The following MTA2 variants were observed in gnomAD, a reference collection of about 807,000 sequenced individuals.
MTA2 encodes metastasis associated 1 family member 2.
MTA2 carries 22 observed loss-of-function variants against 87.1 expected under a neutral mutation model. The ratio of observed to expected loss-of-function variants is 0.25; its 90% confidence interval spans 0.18 to 0.36. The LOEUF is 0.36. Among genes scored for constraint, MTA2 ranks in the 10% least tolerant of loss-of-function variants. The pLI is 1.00. For synonymous variants in MTA2, 314 were observed against 310.1 expected (o/e 1.01, Z -0.13); for missense variants, 542 against 853.2 (o/e 0.64, Z 4.54).
chr11:62,595,343 C>G lies in MTA2; in HGVS notation c.1404G>C (p.Met468Ile). Residue 468 changes from methionine to isoleucine, a missense_variant, in exon 14 of 18, where the codon ATG (methionine) becomes ATC (isoleucine). This residue lies in a region of MTA2 where 269 missense variants were observed against 346.4 expected (regional missense o/e 0.78). Transcript: ENST00000278823. The surrounding 1 kb of genome is among the most constrained non-coding windows in gnomAD (Gnocchi z 4.9). ...TCCTTGGCTGTAATAGGTCCCTGCA[C>G]ATGCGTCTGGCAAGACGGGTCAGCT... is the stretch of plus-strand genomic sequence containing the variant. ...TTKLTRLARR[M>I]CRDLLQPRRA... The G allele has an allele frequency of 6.2e-7, 1 of 1,614,216 alleles. No individual in the cohort carries two copies.
In MTA2 at chr11:62,598,315, T is replaced by C. The variant is rs1942127038; in HGVS notation, c.372+12A>G. 8 of 1,613,502 alleles carry C rather than the reference T, an allele frequency of 5.0e-6. No individual in the cohort carries two copies. The highest frequency in any genetic ancestry group is 6.8e-6 in the Non-Finnish European group (8 of 1,179,632). ...CATTCCCCTCGCTCTTCTCTCAACA[T>C]CTCTTTCTCACCTCCTTTTCCAGGT... On this transcript the variant is annotated intron_variant, in intron 5 of 17. Coordinates refer to ENST00000278823, the MANE Select transcript of MTA2 (RefSeq NM_004739.4).
chr11:62,597,323 A>G lies in MTA2; in HGVS notation c.686T>C (p.Ile229Thr), dbSNP rs757220496. 3.7e-6 allele frequency: 6 copies of G among 1,600,992 alleles called. No individual in the cohort carries two copies. The highest frequency in any genetic ancestry group is 1.8e-5 in the Admixed American group (1 of 55,856). ...HMSAAAASRDITLFHAMDTLQ... is the reference protein window; with the variant it reads ...HMSAAAASRDTTLFHAMDTLQ... Reference sequence around the variant, plus strand: ...CCACCAACTTCTGCTCACCAGAGTGATATCTCGGGAGGCAGCAGCTGCACT... The same window carrying G: ...CCACCAACTTCTGCTCACCAGAGTGGTATCTCGGGAGGCAGCAGCTGCACT... The change falls in exon 8 of 18, where the codon ATC becomes ACC. Residue 229 changes from isoleucine to threonine, a missense_variant. Physicochemically the swap from Ile to Thr is moderately conservative, Grantham distance 89. Transcript: ENST00000278823.
chr11:62,596,263 T>C lies in MTA2; in HGVS notation c.1016+16A>G. ...GGAAGGAAAACACTCTGGTCTCCCC[T>C]ACCCACCACACTTACTAGGTGGGAA... On this transcript the variant is annotated intron_variant, in intron 11 of 17. Transcript: ENST00000278823. 1 of 1,613,668 alleles carries C rather than the reference T, an allele frequency of 6.2e-7. No individual in the cohort carries two copies. The highest frequency in any genetic ancestry group is 8.5e-7 in the Non-Finnish European group (1 of 1,179,794).
At chr11:62,594,676 C>CA in intron 15 of MTA2, 42 bp from the exon 16 acceptor site, 1 of 1,564,118 alleles carries the variant, frequency 6.4e-7, no homozygotes, top group Non-Finnish European at 8.8e-7. Context: ...TCTTCCCACG[C>CA]AGTTCCCCTT....
In MTA2 at chr11:62,597,182, C is replaced by T. The variant is rs1942110558; in HGVS notation, c.693+134G>A. The T allele has an allele frequency of 7.5e-6, 5 of 666,978 alleles. No individual in the cohort carries two copies. The South Asian group carries it at 1.0e-4, about 14-fold the overall frequency. 41.3% of individuals were successfully genotyped at this position (666,978 alleles called of 1,614,324 possible). On this transcript the variant is annotated intron_variant, in intron 8 of 17. Transcript: ENST00000278823. ...CCAGCCTGGGCGACAGAGCAAGACTCCTCTCAAAACAAAACAAAACAAACA... is the reference window on the plus strand; with the variant it reads ...CCAGCCTGGGCGACAGAGCAAGACTTCTCTCAAAACAAAACAAAACAAACA...
chr11:62,601,309 T>C, intron 1 of MTA2, 114 bp downstream of exon 1: 1 of 1,341,534 alleles, frequency 7.5e-7, no homozygotes, highest in Non-Finnish European at 1.0e-6. Context: ...CGGTCCGCGC[T>C]CCGGTCCACG....
chr11:62,598,577 G>A lies in MTA2; in HGVS notation c.253C>T (p.His85Tyr). The change falls in exon 4 of 18, where the codon CAC becomes TAC. Residue 85 changes from histidine (H) to tyrosine (Y), a missense_variant. By Grantham distance (83) the His-to-Tyr change is moderately conservative (BLOSUM62 2). Transcript: ENST00000278823. ...TGCCGAGAAAGAAAAAGTTCCCGGT[G>A]CTTCAGTTGATGGCGCTGCTGCTCA... ...VSEQQRHQLK[H>Y]RELFLSRQFE... 1 of 1,614,122 alleles carries A rather than the reference G, an allele frequency of 6.2e-7. No individual in the cohort carries two copies. Among genetic ancestry groups the A allele is most frequent in the Non-Finnish European group, 8.5e-7 (1 of 1,180,042 alleles).
At chr11:62,601,247 T>C (rs1446048480) in intron 1 of MTA2, 176 bp downstream of exon 1, 2 of 789,334 alleles carry the variant, frequency 2.5e-6, no homozygotes, top group Non-Finnish European at 4.0e-6. Context: ...CTCGGAGCCC[T>C]GCCGCGTCGC....
intron 6 of MTA2, 85 bp downstream of exon 6, chr11:62,597,939 G>A: frequency 8.0e-7 from 1 of 1,253,828 alleles, no homozygotes; most frequent in Non-Finnish European, 1.2e-6. Context: ...AACCCCAGGT[G>A]ACGCCATTCA....
chr11:62,596,529 G>A lies in MTA2; in HGVS notation c.886C>T (p.Pro296Ser), dbSNP rs2134324174. Residue 296 changes from proline (P) to serine (S), a missense_variant, in exon 10 of 18, where the codon CCC becomes TCC. Pro to Ser is a moderately conservative substitution (Grantham distance 74, BLOSUM62 -1). Transcript: ENST00000278823. ...DFNDIRQDFL[P>S]WKSLASIVQF... ...ACTATGCTGGCAAGTGACTTCCAGG[G>A]TAGCTAAGGGGGGCAGAGGGAGGAA... The A allele has an allele frequency of 6.2e-7, 1 of 1,614,148 alleles. No homozygotes were observed. Among genetic ancestry groups the A allele is most frequent in the East Asian group, 2.2e-5 (1 of 44,890 alleles).
At position 62,600,565 on chromosome 11, in the gene MTA2, A is replaced by G. The variant is rs1409849243; in HGVS notation, c.96+57T>C. On this transcript the variant is annotated intron_variant, in intron 2 of 17. Coordinates refer to ENST00000278823, the MANE Select transcript of MTA2 (RefSeq NM_004739.4). ...AGGATCCTCTCTTCCACCAGAAGTT[A>G]GAAACCTCAGAAGAGACCACTGCGG... 19 of 1,493,430 alleles carry G rather than the reference A, an allele frequency of 1.3e-5. No homozygotes were observed. The East Asian group carries it at 1.8e-4, about 14-fold the overall frequency. 92.5% of individuals were successfully genotyped at this position (1,493,430 alleles called of 1,614,324 possible).
chr11:62,595,933 T>C lies in MTA2; in HGVS notation c.1115-42A>G. The C allele has an allele frequency of 6.2e-7, 1 of 1,614,054 alleles. No individual in the cohort carries two copies. The highest frequency in any genetic ancestry group is 8.5e-7 in the Non-Finnish European group (1 of 1,179,956). On this transcript the variant is annotated intron_variant, in intron 12 of 17. Coordinates refer to ENST00000278823, the MANE Select transcript of MTA2 (RefSeq NM_004739.4). This position sits in a 1 kb window ranked among gnomAD's most constrained non-coding sequence, Gnocchi z 4.9. ...GGAGGGGGACAGGGAAGAAGCATACTACCTAAGCCCCTCAGATTCTTGAGC... is the reference window on the plus strand; with the variant it reads ...GGAGGGGGACAGGGAAGAAGCATACCACCTAAGCCCCTCAGATTCTTGAGC...
In MTA2 at chr11:62,595,800, C is replaced by T; in HGVS notation, c.1206G>A (p.Gly402=). 1 of 1,614,190 alleles carries T rather than the reference C, an allele frequency of 6.2e-7. No homozygotes were observed. The highest frequency in any genetic ancestry group is 8.5e-7 in the Non-Finnish European group (1 of 1,180,036). ...CAAGCTGAGTTGGGGTCTTCAGTCCCCCATACTTCTTCCAGTAGATCCAAC... is the reference window on the plus strand; with the variant it reads ...CAAGCTGAGTTGGGGTCTTCAGTCCTCCATACTTCTTCCAGTAGATCCAAC... ...ASCWIYWKKY[G]GLKTPTQLEG... The change falls in exon 13 of 18, where the codon GGG becomes GGA. Residue 402 remains glycine (G), a synonymous_variant. Transcript: ENST00000278823. The surrounding 1 kb of genome is among the most constrained non-coding windows in gnomAD (Gnocchi z 4.9).
Position 62,595,364 on chromosome 11 carries a change from C to A in MTA2, c.1383G>T (p.Leu461=), listed in dbSNP as rs759169046. Residue 461 remains leucine (L), a synonymous_variant, in exon 14 of 18, where the codon CTG becomes CTT. Transcript: ENST00000278823. The surrounding 1 kb of genome is among the most constrained non-coding windows in gnomAD (Gnocchi z 4.9). ...TGCACATGCGTCTGGCAAGACGGGT[C>A]AGCTTTGTGGTCTGAAGCAGGAAAG... The part of the protein sequence containing the change: ...RQTFLLQTTK[L]TRLARRMCRD... 5.0e-6 allele frequency: 8 copies of A among 1,614,074 alleles called. No homozygotes were observed. Among genetic ancestry groups the A allele is most frequent in the Non-Finnish European group, 6.8e-6 (8 of 1,180,044 alleles).
intron 6 of MTA2, 101 bp downstream of exon 6, chr11:62,597,923 C>T (rs749937828): frequency 9.5e-5 from 111 of 1,164,960 alleles, no homozygotes; most frequent in Non-Finnish European, 1.3e-4. Flanking sequence ...AGACAGTGCA[C>T]TGCACAACCC....
At position 62,596,719 on chromosome 11, in the gene MTA2, T is replaced by G; in HGVS notation, c.800A>C (p.Glu267Ala). ...GPVLCRDEMEEWSASEAMLFE... is the reference protein window; with the variant it reads ...GPVLCRDEMEAWSASEAMLFE... ...TAGCATGGCCTCTGAGGCTGACCAT[T>G]CCTCCATCTCATCCCGACACAGCAC... Residue 267 changes from glutamate (E) to alanine (A), a missense_variant, in exon 9 of 18, where the codon GAA becomes GCA. Transcript: ENST00000278823. The G allele has an allele frequency of 6.2e-7, 1 of 1,614,140 alleles. No homozygotes were observed. The highest frequency in any genetic ancestry group is 8.5e-7 in the Non-Finnish European group (1 of 1,180,002).
chr11:62,594,621 G>A lies in MTA2; in HGVS notation c.1587C>T (p.Pro529=), dbSNP rs1308344441. ...TIVKDLVAQA[P]LKPKTPRGTK... is the part of the protein sequence containing the mutation. Reference sequence around the variant, plus strand: ...TACCCCGAGGTGTTTTTGGTTTCAGGGGTGCCTGGGCCACTGGAAAAAAAC... The same window carrying A: ...TACCCCGAGGTGTTTTTGGTTTCAGAGGTGCCTGGGCCACTGGAAAAAAAC... The change falls in exon 16 of 18, where the codon CCC becomes CCT. Residue 529 remains proline (P), a synonymous_variant. Transcript: ENST00000278823. 1 of 1,613,852 alleles carries A rather than the reference G, an allele frequency of 6.2e-7. No homozygotes were observed.
At chr11:62,601,237 C>G in intron 1 of MTA2, 186 bp downstream of exon 1, 1 of 729,316 alleles carries the variant, frequency 1.4e-6, no homozygotes, top group Non-Finnish European at 2.2e-6. Flanking sequence ...CTCTGGGAGT[C>G]TCGGAGCCCT....
At chr11:62,599,831 G>A (rs983263885) in intron 3 of MTA2, among the ~76,000 whole-genome samples, 1 of 152,030 alleles carries the variant, frequency 6.6e-6, no homozygotes, top group Non-Finnish European at 1.5e-5. Flanking sequence ...TCCTCTTCAC[G>A]TTGACCTTCA....
Sources: allele counts gnomAD v4.1 joint callset (sites outside exome capture counted in the v4.1 genomes callset), GRCh38; gene constraint gnomAD v4.1.1; regional missense constraint gnomAD v4.1.1; non-coding constraint Gnocchi (gnomAD v3.1); transcripts MANE v1.5; gene names NCBI Gene and HGNC (gene_info 2026-07-23, HGNC 2026-07-21).